Variants in NDUFA3 observed in about 807,000 individuals in gnomAD.
NDUFA3 encodes the protein NADH:ubiquinone oxidoreductase subunit A3.
A neutral mutation model predicts 11.4 loss-of-function variants in NDUFA3; 10 were observed. The observed-to-expected ratio is 0.87, with a 90% confidence interval of 0.54 to 1.48. The LOEUF is 1.48. Ranked by LOEUF, NDUFA3 falls within the 40% of genes most tolerant of loss-of-function variation. The pLI is 0.00. For synonymous variants in NDUFA3, 39 were observed against 46.9 expected (o/e 0.83, Z 0.68); for missense variants, 115 against 110.5 (o/e 1.04, Z -0.18).
chr19:54,107,002 A>G lies in NDUFA3; in HGVS notation c.*100A>G, dbSNP rs768048826. The G allele has an allele frequency of 3.7e-6, 6 of 1,607,008 alleles. No individual in the cohort carries two copies. In the South Asian group the frequency reaches 4.4e-5, roughly 12 times the overall value. ...ATGTGTGTGATCAGAGGTGGGAACA[A>G]GTAGACGGTGGCCGGGGTGAGTGTG... On this transcript the variant is annotated 3_prime_UTR_variant, in exon 4 of 4. Coordinates refer to ENST00000485876, the MANE Select transcript of NDUFA3 (RefSeq NM_004542.4).
chr19:54,104,465 G>A (rs587709438), intron 2 of NDUFA3, among the ~76,000 whole-genome samples: 11 of 152,172 alleles, frequency 7.2e-5, no homozygotes, highest in African/African-American at 2.6e-4. Flanking sequence ...CTGGGGTGGG[G>A]CATGGGATTC....
Sources: allele counts gnomAD v4.1 joint callset (sites outside exome capture counted in the v4.1 genomes callset), GRCh38; gene constraint gnomAD v4.1.1; transcripts MANE v1.5; gene names NCBI Gene and HGNC (gene_info 2026-07-23, HGNC 2026-07-21).